LOXL2: variants seen among roughly 807,000 people sequenced by gnomAD.
The protein encoded by LOXL2 is lysyl oxidase homolog 2.
In LOXL2, 70 loss-of-function variants were observed where a neutral mutation model predicts 93.0. The ratio of observed to expected loss-of-function variants is 0.75; its 90% CI spans 0.62 to 0.92. LOXL2 has a LOEUF of 0.92. Among genes scored for constraint, LOXL2 ranks in the 40% least tolerant of loss-of-function variants. The probability of loss-of-function intolerance (pLI) is 0.00; values close to 1 mark genes in which losing one functional copy is unlikely to be tolerated. For synonymous variants in LOXL2, 438 were observed against 413.2 expected (o/e 1.06, Z -0.73); for missense variants, 973 against 1,054.9 (o/e 0.92, Z 1.08).
At position 23,341,166 on chromosome 8, in the gene LOXL2, G is replaced by T; in HGVS notation, c.569C>A (p.Ala190Asp). Residue 190 changes from alanine (A) to aspartate (D), a missense_variant, in exon 4 of 14, where the codon GCC becomes GAC. Transcript: ENST00000389131. ...NIQVEDIRIR[A>D]ILSTYRKRTP... is the part of the protein sequence containing the mutation. ...GCGCTTGCGGTAGGTTGAGAGGATG[G>T]CTCGAATCCGAATGTCCTCCACCTG... is the stretch of plus-strand genomic sequence containing the variant. 2 of 1,613,614 alleles carry T rather than the reference G, an allele frequency of 1.2e-6. No individual in the cohort carries two copies. The highest frequency in any genetic ancestry group is 8.5e-7 in the Non-Finnish European group (1 of 1,180,014).
chr8:23,387,091 C>G (rs1804776639), intron 1 of LOXL2, among the ~76,000 whole-genome samples: 1 of 152,226 alleles, frequency 6.6e-6, no homozygotes, highest in South Asian at 2.1e-4. Context: ...GGACTGAAGT[C>G]TCTGACTGAC....
intron 3 of LOXL2, among the ~76,000 whole-genome samples, chr8:23,346,655 T>A (rs1354933065): frequency 1.3e-5 from 2 of 152,182 alleles, no homozygotes; most frequent in Admixed American, 6.5e-5. Flanking sequence ...TAGCTGGAAG[T>A]TGCATCAGGG....
rs539983434 is a variant in LOXL2 at position 23,322,183 on chromosome 8, C to T, written c.1249G>A (p.Glu417Lys). 33 of 1,614,174 alleles carry T rather than the reference C, an allele frequency of 2.0e-5. No homozygotes were observed. Among genetic ancestry groups the T allele is most frequent in the Admixed American group, 1.2e-4 (7 of 60,030 alleles). The change falls in exon 7 of 14, where the codon GAG becomes AAG. Residue 417 changes from glutamate (E) to lysine (K), a missense_variant. Coordinates refer to ENST00000389131, the MANE Select transcript of LOXL2 (RefSeq NM_002318.3). ...FNAESQGCNH[E>K]EDAGVRCNTP... ...TTGCATCTCACACCAGCATCCTCCT[C>T]GTGGTTGCAGCCCTGAGACTCGGCA...
rs746783111 is a variant in LOXL2, at chr8:23,340,950, G to A, written c.743+42C>T. On this transcript the variant is annotated intron_variant, in intron 4 of 13. Coordinates refer to ENST00000389131, the MANE Select transcript of LOXL2 (RefSeq NM_002318.3). The stretch of plus-strand genomic sequence containing the variant: ...GACACTTTTAACTCTTTTAGGCAGG[G>A]CGGATACCCTCAAAGCCACCCCTTT... 3.9e-6 allele frequency: 6 copies of A among 1,544,366 alleles called. No individual in the cohort carries two copies. The South Asian group carries it at 5.6e-5, about 14-fold the overall frequency.
chr8:23,385,564 T>C (rs1020868873), intron 1 of LOXL2, among the ~76,000 whole-genome samples: 2 of 152,004 alleles, frequency 1.3e-5, no homozygotes, highest in African/African-American at 4.8e-5. Context: ...CCAGCCAAAG[T>C]TGGATGTTTA....
chr8:23,360,287 G>A (rs1804269100), intron 2 of LOXL2, 22 bp from the exon 3 acceptor site: 2 of 1,571,958 alleles, frequency 1.3e-6, no homozygotes, highest in Admixed American at 1.8e-5. Flanking sequence ...AGAGAGGAGA[G>A]AAACCAAGTG....
At chr8:23,330,871 G>A (rs962243147) in intron 5 of LOXL2, among the ~76,000 whole-genome samples, 2 of 152,080 alleles carry the variant, frequency 1.3e-5, no homozygotes, top group Non-Finnish European at 2.9e-5. Context: ...GGCGTGTCCT[G>A]GAGGCACACA....
intron 6 of LOXL2, among the ~76,000 whole-genome samples, chr8:23,325,372 G>A (rs1803562515): frequency 6.6e-6 from 1 of 152,164 alleles, no homozygotes; most frequent in Admixed American, 6.5e-5. Flanking sequence ...GTTCACTGCA[G>A]CCTACCTCGA....
intron 3 of LOXL2, among the ~76,000 whole-genome samples, chr8:23,352,058 C>A (rs1024420868): frequency 3.3e-5 from 5 of 152,214 alleles, no homozygotes; most frequent in Non-Finnish European, 7.3e-5. Flanking sequence ...AGTGATCCCC[C>A]CCACCTTGGC....
intron 1 of LOXL2, among the ~76,000 whole-genome samples, chr8:23,396,363 A>G (rs1373602776): frequency 6.6e-6 from 1 of 151,858 alleles, no homozygotes; most frequent in Non-Finnish European, 1.5e-5. Flanking sequence ...AAAAAACGAG[A>G]GAGAGATCAG....
rs139636976 is a variant in LOXL2 at position 23,368,196 on chromosome 8, G to C, written c.156C>G (p.Asn52Lys). ...PEYHQPQAPA[N>K]VAKIQLRLAG... Reference sequence around the variant, plus strand: ...CCAGGCGCAGCTGAATCTTGGCCACGTTGGCGGGGGCCTGGGGCTGGTGAT... The same window carrying C: ...CCAGGCGCAGCTGAATCTTGGCCACCTTGGCGGGGGCCTGGGGCTGGTGAT... Residue 52 changes from asparagine to lysine, a missense_variant, in exon 2 of 14, where the codon AAC becomes AAG. Transcript: ENST00000389131. 2 of 1,613,946 alleles carry C rather than the reference G, an allele frequency of 1.2e-6. No individual in the cohort carries two copies. Among genetic ancestry groups the C allele is most frequent in the Non-Finnish European group, 1.7e-6 (2 of 1,180,048 alleles).
rs150715433 is a variant in LOXL2, at chr8:23,333,589, G to A, written c.778C>T (p.Pro260Ser). Residue 260 changes from proline (P) to serine (S), a missense_variant, in exon 5 of 14, where the codon CCA becomes TCA. Pro to Ser is a moderately conservative substitution (Grantham distance 74). Coordinates refer to ENST00000389131, the MANE Select transcript of LOXL2 (RefSeq NM_002318.3). ...GTGCCGGTGCAGTCCATGGAGAATG[G>A]CCAGTAGCGCTGCTTCCTCCGTGAG... ...FASRRKQRYW[P>S]FSMDCTGTEA... 2.5e-5 allele frequency: 41 copies of A among 1,613,566 alleles called. No homozygotes were observed. The highest frequency in any genetic ancestry group is 1.8e-5 in the Non-Finnish European group (21 of 1,179,978).
intron 6 of LOXL2, among the ~76,000 whole-genome samples, chr8:23,324,072 A>G (rs4291277): frequency 0.73 from 110,426 of 152,118 alleles, 40,238 homozygotes; most frequent in Non-Finnish European, 0.76. Flanking sequence ...GGAATAAATG[A>G]ATTCTTCATT....
chr8:23,301,371 C>A (rs1312905840), intron 12 of LOXL2, among the ~76,000 whole-genome samples: 1 of 152,202 alleles, frequency 6.6e-6, no homozygotes, highest in East Asian at 1.9e-4. Context: ...GAAGCCAAGG[C>A]CCCCTTGTTC....
At chr8:23,377,325 T>G (rs963420940) in intron 1 of LOXL2, among the ~76,000 whole-genome samples, 4 of 152,196 alleles carry the variant, frequency 2.6e-5, no homozygotes, top group African/African-American at 9.7e-5. Flanking sequence ...TAATTTCTGT[T>G]CTTTCACATT....
chr8:23,335,968 G>A (rs1236978771), intron 4 of LOXL2, among the ~76,000 whole-genome samples: 6 of 152,148 alleles, frequency 3.9e-5, no homozygotes, highest in South Asian at 2.1e-4. Context: ...TCACCACAGC[G>A]GCAGCCCAGG....
At chr8:23,332,589 CCA>C (rs1287819215) in intron 5 of LOXL2, among the ~76,000 whole-genome samples, 8 of 125,948 alleles carry the variant, frequency 6.4e-5, no homozygotes, top group Non-Finnish European at 8.5e-5. Flanking sequence ...CACATCCCCC[CCA>C]GACACCCCTC....
chr8:23,401,991 C>T (rs1800156507), intron 1 of LOXL2, among the ~76,000 whole-genome samples: 1 of 152,178 alleles, frequency 6.6e-6, no homozygotes, highest in Admixed American at 6.5e-5. Flanking sequence ...AGCAAATGCA[C>T]ATGCATGCAC....
At chr8:23,385,413 ATTT>A (rs201661064) in intron 1 of LOXL2, among the ~76,000 whole-genome samples, 116 of 136,302 alleles carry the variant, frequency 8.5e-4, no homozygotes, top group African/African-American at 1.1e-3. Flanking sequence ...CACCCAGCTA[ATTT>A]TTTTTTTTTT....
Sources: allele counts gnomAD v4.1 joint callset (sites outside exome capture counted in the v4.1 genomes callset), GRCh38; gene constraint gnomAD v4.1.1; transcripts MANE v1.5; gene names NCBI Gene and HGNC (gene_info 2026-07-23, HGNC 2026-07-21).